Variants in BLK observed in about 807,000 individuals in gnomAD.
BLK encodes BLK proto-oncogene, Src family tyrosine kinase.
In BLK, 64 loss-of-function variants were observed where a neutral mutation model predicts 61.8. The observed-to-expected ratio is 1.03, with a 90% CI of 0.85 to 1.27. BLK has a LOEUF of 1.27. Among genes scored for constraint, BLK ranks in the 50% most tolerant of loss-of-function variants. BLK has a pLI of 0.00. For synonymous variants in BLK, 351 were observed against 272.0 expected (o/e 1.29, Z -2.86); for missense variants, 853 against 660.5 (o/e 1.29, Z -3.19).
At chr8:11,538,159 C>A (rs1233377689) in intron 1 of BLK, among the ~76,000 whole-genome samples, 17 of 152,166 alleles carry the variant, frequency 1.1e-4, no homozygotes, top group South Asian at 1.0e-3. Context: ...CACACACACA[C>A]AAGTGCACAT....
intron 10 of BLK, chr8:11,560,973 C>G (rs1195748200): frequency 1.9e-6 from 1 of 525,484 alleles, no homozygotes. Flanking sequence ...CATTTCTTCT[C>G]TTCTCCCTCC....
At chr8:11,523,764 A>G (rs923007764) in intron 1 of BLK, among the ~76,000 whole-genome samples, 7 of 152,320 alleles carry the variant, frequency 4.6e-5, no homozygotes, top group African/African-American at 1.7e-4. Context: ...GCTAATAAGT[A>G]CATGATAAAA....
At chr8:11,536,051 A>G (rs534434530) in intron 1 of BLK, among the ~76,000 whole-genome samples, 2 of 152,380 alleles carry the variant, frequency 1.3e-5, no homozygotes, top group African/African-American at 4.8e-5. Context: ...AAACTAAGCA[A>G]GAAGCTATTT....
intron 1 of BLK, among the ~76,000 whole-genome samples, chr8:11,514,280 G>A (rs939578202): frequency 6.6e-6 from 1 of 152,198 alleles, no homozygotes; most frequent in African/African-American, 2.4e-5. Flanking sequence ...TGTCCACAGG[G>A]TACTCCTGTC....
intron 1 of BLK, among the ~76,000 whole-genome samples, chr8:11,517,466 TC>T (rs1799273276): frequency 6.6e-6 from 1 of 152,200 alleles, no homozygotes; most frequent in South Asian, 2.1e-4. Context: ...CCAGCCACTT[TC>T]CCTGGCCCCT....
chr8:11,524,918 C>CAAA lies in BLK; in HGVS notation c.-1-18295_-1-18293dup, dbSNP rs34067077. 7.3e-3 allele frequency among the ~76,000 whole-genome samples: 938 copies of CAAA among 128,016 alleles called. 3 individuals are homozygous for CAAA. Among genetic ancestry groups the CAAA allele is most frequent in the African/African-American group, 0.019 (651 of 34,698 alleles). 84.0% of individuals were successfully genotyped at this position (128,016 alleles called of 152,430 possible). A position where few individuals can be genotyped will look rare whatever the true frequency, so the allele number is the denominator to read the frequency against. On this transcript the variant is annotated intron_variant, in intron 1 of 12. Coordinates refer to ENST00000259089, the MANE Select transcript of BLK (RefSeq NM_001715.3). The stretch of plus-strand genomic sequence containing the variant: ...ATAATGATCCCATTTTGCTTTTTTA[C>CAAA]AAAAAAAAAAAAAGGCCATGGAAAA...
chr8:11,513,740 A>T (rs1005370298), intron 1 of BLK, among the ~76,000 whole-genome samples: 12 of 152,256 alleles, frequency 7.9e-5, no homozygotes, highest in African/African-American at 2.7e-4. Flanking sequence ...AGCCAGAGTT[A>T]TAGAGTGGTG....
At chr8:11,558,996 G>C (rs993738865) in intron 10 of BLK, 2 of 456,172 alleles carry the variant, frequency 4.4e-6, no homozygotes, top group Admixed American at 2.3e-5. Flanking sequence ...GCTGGTTTTG[G>C]AAAATGAGTG....
rs1187571903 is a variant in BLK at position 11,549,095 on chromosome 8, C to A, written c.341C>A (p.Ala114Asp). Residue 114 changes from alanine to aspartate, a missense_variant, in exon 5 of 13, where the codon GCC (alanine) becomes GAC (aspartate). Physicochemically the swap from Ala to Asp is moderately radical, Grantham distance 126. Coordinates refer to ENST00000259089, the MANE Select transcript of BLK (RefSeq NM_001715.3). ...REGYVPSNFVARVESLEMERW... is the reference protein window; with the variant it reads ...REGYVPSNFVDRVESLEMERW... ...GGCTATGTGCCCAGTAACTTTGTGG[C>A]CCGAGTGGAGAGCCTGGAAATGGAA... 1 of 1,609,668 alleles carries A rather than the reference C, an allele frequency of 6.2e-7. No homozygotes were observed. The highest frequency in any genetic ancestry group is 8.5e-7 in the Non-Finnish European group (1 of 1,178,172).
At chr8:11,539,577 T>A (rs2248315) in intron 1 of BLK, among the ~76,000 whole-genome samples, 63,009 of 151,730 alleles carry the variant, frequency 0.42, 13,964 homozygotes, top group Non-Finnish European at 0.5. Flanking sequence ...AAAAGGTATG[T>A]GTGCTTTTTT....
chr8:11,507,257 T>TCAATTGTCCTTGGAAGGACAA (rs1798809886), intron 1 of BLK, among the ~76,000 whole-genome samples: 7 of 152,100 alleles, frequency 4.6e-5, no homozygotes, highest in Non-Finnish European at 1.0e-4. Context: ...TGACAACTAG[T>TCAATTGTCCTTGGAAGGACAA]TAGAATTGGA....
At chr8:11,501,857 T>C (rs1156850844) in intron 1 of BLK, among the ~76,000 whole-genome samples, 3 of 152,226 alleles carry the variant, frequency 2.0e-5, no homozygotes, top group African/African-American at 4.8e-5. Flanking sequence ...GCGGCTTCTT[T>C]GTTGAACTGG....
Position 11,525,440 on chromosome 8 carries a change from T to A in BLK, c.-1-17784T>A, listed in dbSNP as rs111526630. 6.4e-3 allele frequency among the ~76,000 whole-genome samples: 972 copies of A among 152,324 alleles called. 3 individuals carry two copies. Among genetic ancestry groups the A allele is most frequent in the Middle Eastern group, 0.014 (4 of 294 alleles). On this transcript the variant is annotated intron_variant, in intron 1 of 12. Coordinates refer to ENST00000259089, the MANE Select transcript of BLK (RefSeq NM_001715.3). ...AAATGTGTTAATAGACTCCTTTTTTTAAATTTCACACAAGCAGGATTATAT... is the reference window on the plus strand; with the variant it reads ...AAATGTGTTAATAGACTCCTTTTTTAAAATTTCACACAAGCAGGATTATAT...
intron 6 of BLK, chr8:11,554,150 A>C (rs1435201167): frequency 2.5e-5 from 4 of 157,956 alleles, no homozygotes; most frequent in African/African-American, 9.6e-5. Context: ...TTACCTCCTA[A>C]ATTGTCCTTA....
intron 1 of BLK, among the ~76,000 whole-genome samples, chr8:11,532,327 T>A (rs1799922910): frequency 1.3e-5 from 2 of 150,626 alleles, no homozygotes; most frequent in Admixed American, 6.6e-5. Context: ...GGCTCCCAAG[T>A]AGCTAGGATT....
At chr8:11,553,543 C>G (rs1051764065) in intron 6 of BLK, 3 of 236,356 alleles carry the variant, frequency 1.3e-5, no homozygotes, top group African/African-American at 6.9e-5. Flanking sequence ...GAGCGGGCTC[C>G]TGGGCTCATC....
chr8:11,534,648 A>G (rs974366441), intron 1 of BLK, among the ~76,000 whole-genome samples: 1 of 152,208 alleles, frequency 6.6e-6, no homozygotes, highest in Non-Finnish European at 1.5e-5. Context: ...GGGGAGGTGA[A>G]TTTCCACAAA....
At chr8:11,543,989 G>T (rs1362817622) in intron 2 of BLK, among the ~76,000 whole-genome samples, 1 of 148,506 alleles carries the variant, frequency 6.7e-6, no homozygotes, top group Non-Finnish European at 1.5e-5. Flanking sequence ...TTGAGACAGA[G>T]TCTCGCTCTG....
At chr8:11,508,116 C>A (rs1054819769) in intron 1 of BLK, among the ~76,000 whole-genome samples, 2 of 152,224 alleles carry the variant, frequency 1.3e-5, no homozygotes, top group African/African-American at 4.8e-5. Context: ...CTGGGAAGGA[C>A]TAGAGCCAAA....
Sources: allele counts gnomAD v4.1 joint callset (sites outside exome capture counted in the v4.1 genomes callset), GRCh38; gene constraint gnomAD v4.1.1; transcripts MANE v1.5; gene names NCBI Gene and HGNC (gene_info 2026-07-23, HGNC 2026-07-21).